The following ZFAND3 variants were observed in gnomAD, a reference collection of about 807,000 sequenced individuals.
The protein encoded by ZFAND3 is zinc finger AN1-type containing 3, also known as AN1-type zinc finger protein 3.
A neutral mutation model predicts 29.6 loss-of-function variants in ZFAND3; 10 were observed. The ratio of observed to expected loss-of-function variants is 0.34; its 90% CI spans 0.21 to 0.57. The LOEUF (loss-of-function observed/expected upper bound fraction) is 0.57. Among genes scored for constraint, ZFAND3 ranks in the 20% least tolerant of loss-of-function variants. The probability of loss-of-function intolerance (pLI) is 0.86; values close to 1 mark genes in which losing one functional copy is unlikely to be tolerated. For synonymous variants in ZFAND3, 128 were observed against 112.6 expected (o/e 1.14, Z -0.87); for missense variants, 230 against 304.5 (o/e 0.76, Z 1.82).
chr6:38,132,483 G>A (rs575740076), intron 5 of ZFAND3, among the ~76,000 whole-genome samples: 4 of 152,298 alleles, frequency 2.6e-5, no homozygotes, highest in South Asian at 2.1e-4. Context: ...CTCCAGCCAG[G>A]GTAACAGAGT....
chr6:37,984,769 C>T (rs2127433663), intron 2 of ZFAND3, among the ~76,000 whole-genome samples: 1 of 152,294 alleles, frequency 6.6e-6, no homozygotes, highest in Non-Finnish European at 1.5e-5. Flanking sequence ...CAAGTTTCAG[C>T]TAGATCCAGC....
At chr6:37,964,544 T>C (rs1762257796) in intron 2 of ZFAND3, among the ~76,000 whole-genome samples, 1 of 152,198 alleles carries the variant, frequency 6.6e-6, no homozygotes, top group Non-Finnish European at 1.5e-5. Context: ...CCATCTTTGA[T>C]TTCTGACATT....
intron 2 of ZFAND3, among the ~76,000 whole-genome samples, chr6:37,974,893 C>T (rs929421052): frequency 2.0e-5 from 3 of 152,166 alleles, no homozygotes; most frequent in African/African-American, 4.8e-5. Context: ...ATGTAGTCCT[C>T]CTACCTCAGC....
At chr6:37,951,761 G>T (rs1159851776) in intron 2 of ZFAND3, among the ~76,000 whole-genome samples, 1 of 152,106 alleles carries the variant, frequency 6.6e-6, no homozygotes, top group African/African-American at 2.4e-5. Flanking sequence ...GGGCATCCTT[G>T]TCTTAATTCT....
At chr6:38,055,466 G>GC (rs1245751193) in intron 2 of ZFAND3, among the ~76,000 whole-genome samples, 1 of 152,200 alleles carries the variant, frequency 6.6e-6, no homozygotes, top group Non-Finnish European at 1.5e-5. Flanking sequence ...TCAAACCCTA[G>GC]CTCTAGCATT....
chr6:38,001,973 A>G (rs776607623), intron 2 of ZFAND3, among the ~76,000 whole-genome samples: 4 of 152,210 alleles, frequency 2.6e-5, no homozygotes, highest in Non-Finnish European at 5.9e-5. Context: ...TCCTTGATCA[A>G]ATTTATTGTA....
chr6:37,971,650 ATTTGTATCAGATTC>A (rs1415260298), intron 2 of ZFAND3, among the ~76,000 whole-genome samples: 2 of 152,066 alleles, frequency 1.3e-5, no homozygotes, highest in African/African-American at 4.8e-5. Flanking sequence ...TTCATCTTGC[ATTTGTATCAGATTC>A]TTTCCATTGA....
chr6:37,837,989 G>GTTTTGAT (rs1411013682), intron 1 of ZFAND3, among the ~76,000 whole-genome samples: 1 of 152,186 alleles, frequency 6.6e-6, no homozygotes, highest in African/African-American at 2.4e-5. Context: ...GGTTGAAGCT[G>GTTTTGAT]TTTTGATTTC....
chr6:38,012,180 G>A (rs2645104), intron 2 of ZFAND3, among the ~76,000 whole-genome samples: 132,277 of 152,044 alleles, frequency 0.87, 58,343 homozygotes, highest in East Asian at 0.96. Flanking sequence ...GAGAAGTTGC[G>A]TCGTGTTCTC....
intron 2 of ZFAND3, among the ~76,000 whole-genome samples, chr6:38,019,477 T>C (rs1314092131): frequency 1.3e-5 from 2 of 151,812 alleles, no homozygotes; most frequent in Non-Finnish European, 2.9e-5. Flanking sequence ...GCAAATATTT[T>C]CTCCAACAAT....
chr6:37,877,332 C>G (rs1402055829), intron 1 of ZFAND3, among the ~76,000 whole-genome samples: 1 of 152,016 alleles, frequency 6.6e-6, no homozygotes, highest in Non-Finnish European at 1.5e-5. Context: ...TTGATTGTTT[C>G]CTTGGTAGCT....
chr6:37,977,183 T>G (rs1385413127), intron 2 of ZFAND3, among the ~76,000 whole-genome samples: 1 of 152,218 alleles, frequency 6.6e-6, no homozygotes, highest in Admixed American at 6.5e-5. Flanking sequence ...AAATATAATC[T>G]TATGGGACCC....
At chr6:37,985,499 C>CACACACACACACACACACACA (rs1762651601) in intron 2 of ZFAND3, among the ~76,000 whole-genome samples, 1 of 141,596 alleles carries the variant, frequency 7.1e-6, no homozygotes, top group Admixed American at 7.0e-5. Flanking sequence ...GCTTGTGGTT[C>CACACACACACACACACACACA]CACACACACA....
intron 4 of ZFAND3, among the ~76,000 whole-genome samples, chr6:38,104,570 A>G (rs1014250547): frequency 5.3e-5 from 8 of 152,162 alleles, no homozygotes; most frequent in African/African-American, 1.9e-4. Context: ...ATGATGTTGT[A>G]CATCAGAAAA....
Position 37,903,242 on chromosome 6 carries a change from G to A in ZFAND3, c.72-26717G>A, listed in dbSNP as rs886187127. Among the ~76,000 whole-genome samples, 47 of 152,124 alleles carry A rather than the reference G, an allele frequency of 3.1e-4. 1 individual carries two copies. Among genetic ancestry groups the A allele is most frequent in the African/African-American group, 1.0e-3 (43 of 41,484 alleles). The stretch of plus-strand genomic sequence containing the variant: ...TAATTGAAAAATCCTATAATTTAAG[G>A]TGTAAATATTTAAGCTTTCTAGTTA... On this transcript the variant is annotated intron_variant, in intron 1 of 5. Coordinates refer to ENST00000287218, the MANE Select transcript of ZFAND3 (RefSeq NM_021943.3).
chr6:37,945,553 T>G lies in ZFAND3; in HGVS notation c.112+15554T>G, dbSNP rs531095376. On this transcript the variant is annotated intron_variant, in intron 2 of 5. Coordinates refer to ENST00000287218, the MANE Select transcript of ZFAND3 (RefSeq NM_021943.3). ...CCATGCCCAGCTAATTTTTGTATTT[T>G]TAGTAGAGATGAGGTTTTGCCATGT... Among the ~76,000 whole-genome samples the G allele has an allele frequency of 4.6e-5, 7 of 152,286 alleles. 1 individual carries two copies. In the South Asian group the frequency reaches 1.5e-3, roughly 32 times the overall value.
chr6:38,047,716 C>T (rs1439943205), intron 2 of ZFAND3, among the ~76,000 whole-genome samples: 1 of 152,174 alleles, frequency 6.6e-6, no homozygotes, highest in Admixed American at 6.5e-5. Context: ...TTTCTCTTTT[C>T]CCTTTGCAGT....
At position 38,067,150 on chromosome 6, in the gene ZFAND3, G is replaced by A. The variant is rs117341779; in HGVS notation, c.295+5375G>A. 1.2e-3 allele frequency among the ~76,000 whole-genome samples: 185 copies of A among 152,230 alleles called. 5 individuals carry two copies. Among genetic ancestry groups the A allele is most frequent in the Admixed American group, 9.0e-3 (137 of 15,294 alleles). ...CCTCATTATACACAGGGGATTCGGC[G>A]CATACTCAAGTCTCACAGTCAGCCC... On this transcript the variant is annotated intron_variant, in intron 3 of 5. Coordinates refer to ENST00000287218, the MANE Select transcript of ZFAND3 (RefSeq NM_021943.3).
At chr6:38,000,669 G>C (rs1369793313) in intron 2 of ZFAND3, among the ~76,000 whole-genome samples, 2 of 152,036 alleles carry the variant, frequency 1.3e-5, no homozygotes, top group Non-Finnish European at 2.9e-5. Flanking sequence ...TGACACGTAG[G>C]AATTATTCTC....
Sources: gnomAD v4.1 joint callset for allele counts (sites outside exome capture counted in the v4.1 genomes callset) on GRCh38, gnomAD v4.1.1 for gene constraint, MANE v1.5 for transcripts, NCBI Gene and HGNC (gene_info 2026-07-23, HGNC 2026-07-21) for gene names.